Variants in EML4 observed in about 807,000 individuals in gnomAD.
EML4 encodes the protein EMAP like 4.
A neutral mutation model predicts 129.0 loss-of-function variants in EML4; 72 were observed. The observed-to-expected ratio is 0.56, with a 90% CI of 0.46 to 0.68. EML4 has a LOEUF of 0.68. Among genes scored for constraint, EML4 ranks in the 30% least tolerant of loss-of-function variants. The pLI, the probability that EML4 is intolerant of heterozygous loss-of-function variation, is 0.00. For missense variants in EML4, 1,363 were observed against 1,190.6 expected, an observed-to-expected ratio of 1.14 and a Z score of -2.13; for synonymous variants, 532 against 405.0, an observed-to-expected ratio of 1.31 and a Z score of -3.77.
At chr2:42,251,316 T>C (rs1388828757) in intron 2 of EML4, among the ~76,000 whole-genome samples, 7 of 152,242 alleles carry the variant, frequency 4.6e-5, no homozygotes, top group African/African-American at 7.2e-5. Flanking sequence ...CACTGTCGTA[T>C]ATGCAGTCCA....
chr2:42,230,567 C>T (rs1187974385), intron 1 of EML4, among the ~76,000 whole-genome samples: 1 of 152,062 alleles, frequency 6.6e-6, no homozygotes, highest in African/African-American at 2.4e-5. Flanking sequence ...CCACCATCCC[C>T]AGCTAATTTT....
At chr2:42,182,946 A>C (rs141833272) in intron 1 of EML4, among the ~76,000 whole-genome samples, 3 of 152,024 alleles carry the variant, frequency 2.0e-5, no homozygotes, top group Non-Finnish European at 4.4e-5. Flanking sequence ...TAAGGATACC[A>C]GTTGTATTGG....
At chr2:42,199,746 G>C (rs911540394) in intron 1 of EML4, among the ~76,000 whole-genome samples, 1 of 152,094 alleles carries the variant, frequency 6.6e-6, no homozygotes. Context: ...GGAAAAGAGG[G>C]TAACCTTTTG....
intron 2 of EML4, among the ~76,000 whole-genome samples, chr2:42,253,381 A>G (rs1246096477): frequency 6.6e-6 from 1 of 152,230 alleles, no homozygotes. Flanking sequence ...CTCTGAAATT[A>G]CGATGCATAT....
chr2:42,255,172 G>A (rs1676046542), intron 2 of EML4, among the ~76,000 whole-genome samples: 1 of 151,798 alleles, frequency 6.6e-6, no homozygotes, highest in South Asian at 2.1e-4. Flanking sequence ...TGCAAGCTCC[G>A]CCTCCCAAGT....
intron 5 of EML4, 50 bp from the exon 6 acceptor site, chr2:42,264,656 T>G (rs967267259): frequency 9.7e-7 from 1 of 1,032,142 alleles, no homozygotes; most frequent in Admixed American, 2.1e-5. Context: ...TTTTAATGGT[T>G]AGCCATATAA....
At chr2:42,285,586 C>CTTTTTTT (rs70963307) in intron 9 of EML4, among the ~76,000 whole-genome samples, 1 of 145,928 alleles carries the variant, frequency 6.9e-6, no homozygotes. Context: ...CTGACTCCAC[C>CTTTTTTT]TTTTTTTTTT....
At chr2:42,222,408 C>T (rs1262618488) in intron 1 of EML4, among the ~76,000 whole-genome samples, 1 of 152,066 alleles carries the variant, frequency 6.6e-6, no homozygotes, top group Non-Finnish European at 1.5e-5. Flanking sequence ...TATTTCATGA[C>T]TCATTAAAGT....
chr2:42,184,875 G>C (rs1671155192), intron 1 of EML4, among the ~76,000 whole-genome samples: 1 of 152,146 alleles, frequency 6.6e-6, no homozygotes, highest in Non-Finnish European at 1.5e-5. Context: ...GGACAAGAAT[G>C]TGCCTTATAC....
At chr2:42,323,666 G>T (rs1486564575) in intron 19 of EML4, among the ~76,000 whole-genome samples, 5 of 152,002 alleles carry the variant, frequency 3.3e-5, no homozygotes, top group African/African-American at 1.2e-4. Context: ...GTCAGGTGCA[G>T]TGGCTCACTA....
intron 1 of EML4, 116 bp downstream of exon 1, chr2:42,169,752 G>A: frequency 1.7e-6 from 2 of 1,211,488 alleles, no homozygotes; most frequent in Non-Finnish European, 1.1e-6. Flanking sequence ...CGGCTCCACT[G>A]CACATGTTCC....
chr2:42,320,444 T>G (rs544192036), intron 19 of EML4, among the ~76,000 whole-genome samples: 1 of 152,304 alleles, frequency 6.6e-6, no homozygotes, highest in South Asian at 2.1e-4. Context: ...AACCTATCTA[T>G]GCATCCTAAC....
chr2:42,190,057 T>G (rs979714217), intron 1 of EML4, among the ~76,000 whole-genome samples: 6 of 152,116 alleles, frequency 3.9e-5, no homozygotes, highest in Non-Finnish European at 8.8e-5. Context: ...AATTTGATTT[T>G]AAATTTAGAA....
At chr2:42,201,761 T>A (rs185268502) in intron 1 of EML4, among the ~76,000 whole-genome samples, 1 of 152,152 alleles carries the variant, frequency 6.6e-6, no homozygotes, top group East Asian at 1.9e-4. Context: ...TGATTTCACT[T>A]ATATGTGGAA....
intron 13 of EML4, 95 bp from the exon 14 acceptor site, chr2:42,301,146 A>G (rs1668264056): frequency 9.4e-7 from 1 of 1,067,460 alleles, no homozygotes; most frequent in Non-Finnish European, 1.4e-6. Flanking sequence ...CTTTCTGATT[A>G]TTAACTCTAG....
chr2:42,169,556 C>G lies in EML4; in HGVS notation c.-56C>G. On this transcript the variant is annotated 5_prime_UTR_variant, in exon 1 of 23. Coordinates refer to ENST00000318522, the MANE Select transcript of EML4 (RefSeq NM_019063.5). ...GCTCAGCGTCGGCCACTCTGTCGGT[C>G]CGCTGAATGAAGTGCCCGCCCCTCT... The G allele has an allele frequency of 6.3e-7, 1 of 1,578,336 alleles. No homozygotes were observed. The highest frequency in any genetic ancestry group is 8.6e-7 in the Non-Finnish European group (1 of 1,166,648).
At chr2:42,317,308 C>T in intron 18 of EML4, 119 bp from the exon 19 acceptor site, 1 of 652,672 alleles carries the variant, frequency 1.5e-6, no homozygotes, top group Non-Finnish European at 2.6e-6. Context: ...AGGATTCATT[C>T]ATTAATTGCC....
intron 1 of EML4, among the ~76,000 whole-genome samples, chr2:42,215,154 G>A (rs1340184371): frequency 2.0e-5 from 3 of 152,160 alleles, no homozygotes; most frequent in Non-Finnish European, 2.9e-5. Context: ...CAACCTCTCA[G>A]TCTCAAGTGA....
rs9309080 is a variant in EML4 at position 42,264,103 on chromosome 2, G to GTTTTTTTTTTTTTTTTT, written c.642-593_642-577dup. On this transcript the variant is annotated intron_variant, in intron 5 of 22. Coordinates refer to ENST00000318522, the MANE Select transcript of EML4 (RefSeq NM_019063.5). ...AAGGCTCCCAACTCAAACAATACGT[G>GTTTTTTTTTTTTTTTTT]TTTTTTTTTTTTTTTTTTTTTTTTT... Among the ~76,000 whole-genome samples the GTTTTTTTTTTTTTTTTT allele has an allele frequency of 2.0e-5, 2 of 100,748 alleles. 1 individual carries two copies. The allele number at this position is 100,748 out of a possible 152,430, so 66.1% of individuals were successfully genotyped here. A position where few individuals can be genotyped will look rare whatever the true frequency, so the allele number is the denominator to read the frequency against.
Sources: allele counts gnomAD v4.1 joint callset (sites outside exome capture counted in the v4.1 genomes callset), GRCh38; gene constraint gnomAD v4.1.1; transcripts MANE v1.5; gene names NCBI Gene and HGNC (gene_info 2026-07-23, HGNC 2026-07-21).